Variants in UBE2E1 observed in about 807,000 individuals in gnomAD.
UBE2E1 encodes the protein ubiquitin-conjugating enzyme E2 E1.
A neutral mutation model predicts 21.4 loss-of-function variants in UBE2E1; 6 were observed. That is an observed-to-expected ratio of 0.28 (90% CI 0.15 to 0.55). The LOEUF (loss-of-function observed/expected upper bound fraction) is 0.55. Among genes scored for constraint, UBE2E1 ranks in the 20% least tolerant of loss-of-function variants. The pLI, the probability that UBE2E1 is intolerant of heterozygous loss-of-function variation, is 0.93. For synonymous variants in UBE2E1, 87 were observed against 82.7 expected (o/e 1.05, Z -0.28); for missense variants, 142 against 236.5 (o/e 0.60, Z 2.62).
chr3:23,811,627 A>G (rs921423660), intron 3 of UBE2E1, 117 bp downstream of exon 3: 70 of 884,982 alleles, frequency 7.9e-5, no homozygotes, highest in Middle Eastern at 6.5e-4. Context: ...TTATGGCACT[A>G]ACATCACGTA....
chr3:23,856,177 C>G (rs894310447), intron 3 of UBE2E1, among the ~76,000 whole-genome samples: 5 of 152,090 alleles, frequency 3.3e-5, no homozygotes, highest in African/African-American at 1.2e-4. Flanking sequence ...CAGGCAGGTA[C>G]CACCATGCCT....
Position 23,823,128 on chromosome 3 carries a change from A to G in UBE2E1, c.203+11618A>G, listed in dbSNP as rs946347344. Among the ~76,000 whole-genome samples, 14 of 152,174 alleles carry G rather than the reference A, an allele frequency of 9.2e-5. No homozygotes were observed. The highest frequency in any genetic ancestry group is 1.6e-4 in the Non-Finnish European group (11 of 68,030). On this transcript the variant is annotated intron_variant, in intron 3 of 5. Transcript: ENST00000306627. This position sits in a 1 kb window ranked among gnomAD's most constrained non-coding sequence, Gnocchi z 4.2. ...CCAAAGTGCTGGGATTACAGGCATG[A>G]GCCTCTGCGCCCATCCTGTTTTTCA... is the stretch of plus-strand genomic sequence containing the variant.
intron 3 of UBE2E1, among the ~76,000 whole-genome samples, chr3:23,859,234 G>A (rs1700502015): frequency 6.6e-6 from 1 of 152,188 alleles, no homozygotes; most frequent in Admixed American, 6.5e-5. Flanking sequence ...AGGAAGTGAT[G>A]TTTAATCCTT....
At chr3:23,850,115 A>G (rs545554963) in intron 3 of UBE2E1, among the ~76,000 whole-genome samples, 49 of 152,302 alleles carry the variant, frequency 3.2e-4, no homozygotes, top group Non-Finnish European at 4.3e-4. Context: ...TGTTTTATTA[A>G]TAAAATTCAG....
intron 3 of UBE2E1, among the ~76,000 whole-genome samples, chr3:23,873,114 C>G (rs190690777): frequency 4.6e-5 from 7 of 152,312 alleles, no homozygotes; most frequent in Non-Finnish European, 1.0e-4. Context: ...ATTTTCATAC[C>G]TGCTTCTGCA....
chr3:23,886,674 G>A (rs1281065975), intron 3 of UBE2E1, among the ~76,000 whole-genome samples: 1 of 152,130 alleles, frequency 6.6e-6, no homozygotes, highest in African/African-American at 2.4e-5. Context: ...TTAAATGAAG[G>A]CATCAGACTT....
At position 23,863,068 on chromosome 3, in the gene UBE2E1, AAAAC is replaced by A. The variant is rs1378877100; in HGVS notation, c.204-24498_204-24495del. On this transcript the variant is annotated intron_variant, in intron 3 of 5. Coordinates refer to ENST00000306627, the MANE Select transcript of UBE2E1 (RefSeq NM_003341.5). The surrounding 1 kb of genome is among the most constrained non-coding windows in gnomAD (Gnocchi z 4.3). Reference sequence around the variant, plus strand: ...TCTTTGTTTGTTAAAAAAAAAAAAAAAAACTATTCCCAGCATTTTGCTCTCTAGT... The same window carrying A: ...TCTTTGTTTGTTAAAAAAAAAAAAAATATTCCCAGCATTTTGCTCTCTAGT... 6.6e-6 allele frequency among the ~76,000 whole-genome samples: 1 copy of A among 151,854 alleles called. No homozygotes were observed. The highest frequency in any genetic ancestry group is 2.4e-5 in the African/African-American group (1 of 41,328).
At chr3:23,851,802 A>G (rs940762456) in intron 3 of UBE2E1, among the ~76,000 whole-genome samples, 5 of 152,122 alleles carry the variant, frequency 3.3e-5, no homozygotes, top group African/African-American at 1.2e-4. Flanking sequence ...AAAAAATAAA[A>G]AAAAAATTAA....
rs1350392396 is a variant in UBE2E1, at chr3:23,806,271, G to A, written c.-34+183G>A. On this transcript the variant is annotated intron_variant, in intron 1 of 5. Coordinates refer to ENST00000306627, the MANE Select transcript of UBE2E1 (RefSeq NM_003341.5). The surrounding 1 kb of genome is among the most constrained non-coding windows in gnomAD (Gnocchi z 6.5). Reference sequence around the variant, plus strand: ...AGGGGTCCGGGGCCCGCCCGCGGGGGATGGGCAGGGACCCCGGGCCGCGTG... The same window carrying A: ...AGGGGTCCGGGGCCCGCCCGCGGGGAATGGGCAGGGACCCCGGGCCGCGTG... 6.7e-6 allele frequency among the ~76,000 whole-genome samples: 1 copy of A among 150,356 alleles called. No homozygotes were observed. Among genetic ancestry groups the A allele is most frequent in the Non-Finnish European group, 1.5e-5 (1 of 67,334 alleles).
rs773191666 is a variant in UBE2E1 at position 23,807,304 on chromosome 3, C to T, written c.35C>T (p.Ser12Phe). ...GACGATTCGAGGGCCAGCACCAGCTCCTCCTCATCTTCGTCTTCCAACCAG... is the reference window on the plus strand; with the variant it reads ...GACGATTCGAGGGCCAGCACCAGCTTCTCCTCATCTTCGTCTTCCAACCAG... ...SDDDSRASTS[S>F]SSSSSSNQQT... The change falls in exon 2 of 6, where the codon TCC becomes TTC. Residue 12 changes from serine (S) to phenylalanine (F), a missense_variant. Around this residue, in one of 2 missense-constraint regions of UBE2E1, gnomAD observed 55 missense variants for 51.5 expected, o/e 1.07. Coordinates refer to ENST00000306627, the MANE Select transcript of UBE2E1 (RefSeq NM_003341.5). 6.2e-7 allele frequency: 1 copy of T among 1,613,916 alleles called. No individual in the cohort carries two copies. The highest frequency in any genetic ancestry group is 8.5e-7 in the Non-Finnish European group (1 of 1,179,942).
At chr3:23,855,574 A>G (rs916975213) in intron 3 of UBE2E1, among the ~76,000 whole-genome samples, 1 of 152,180 alleles carries the variant, frequency 6.6e-6, no homozygotes, top group African/African-American at 2.4e-5. Flanking sequence ...TCACACCTGT[A>G]ATCCCAGCAC....
At chr3:23,817,648 G>A (rs1699558342) in intron 3 of UBE2E1, among the ~76,000 whole-genome samples, 2 of 152,066 alleles carry the variant, frequency 1.3e-5, no homozygotes, top group South Asian at 4.1e-4. Context: ...TAGTGATCTG[G>A]GAAGGCTTCA....
chr3:23,821,113 A>C (rs995298796), intron 3 of UBE2E1, among the ~76,000 whole-genome samples: 3 of 152,212 alleles, frequency 2.0e-5, no homozygotes, highest in Admixed American at 1.3e-4. Context: ...TAGGTGACTA[A>C]AACAGACCTG....
intron 3 of UBE2E1, among the ~76,000 whole-genome samples, chr3:23,818,519 A>G (rs1462421838): frequency 6.6e-6 from 1 of 152,206 alleles, no homozygotes; most frequent in Non-Finnish European, 1.5e-5. Flanking sequence ...TAAAAGAATG[A>G]TACAGCAAGC....
intron 3 of UBE2E1, among the ~76,000 whole-genome samples, chr3:23,813,983 T>G (rs1699457379): frequency 6.6e-6 from 1 of 152,236 alleles, no homozygotes; most frequent in Admixed American, 6.5e-5. Context: ...TTAGTCTGTC[T>G]TATATTTTTA....
chr3:23,869,664 G>A (rs1029278502), intron 3 of UBE2E1, among the ~76,000 whole-genome samples: 2 of 149,208 alleles, frequency 1.3e-5, no homozygotes, highest in South Asian at 2.1e-4. Context: ...TGAGGCAGTC[G>A]GAGATTGCTT....
chr3:23,825,864 C>T (rs113825497), intron 3 of UBE2E1, among the ~76,000 whole-genome samples: 14 of 151,940 alleles, frequency 9.2e-5, no homozygotes, highest in East Asian at 1.9e-4. Context: ...GAATACCTCA[C>T]GTAAAATTTC....
intron 3 of UBE2E1, among the ~76,000 whole-genome samples, chr3:23,875,675 A>C (rs1444015811): frequency 6.6e-6 from 1 of 152,212 alleles, no homozygotes; most frequent in Non-Finnish European, 1.5e-5. Flanking sequence ...TGGAGATCTT[A>C]AGTGCCTGGG....
At chr3:23,821,084 T>A (rs1699633056) in intron 3 of UBE2E1, among the ~76,000 whole-genome samples, 1 of 152,256 alleles carries the variant, frequency 6.6e-6, no homozygotes, top group African/African-American at 2.4e-5. Flanking sequence ...GTGTCTGCTG[T>A]GTGCTAGGCA....
Sources: gnomAD v4.1 joint callset for allele counts (sites outside exome capture counted in the v4.1 genomes callset) on GRCh38, gnomAD v4.1.1 for gene constraint, gnomAD v4.1.1 regional missense constraint, Gnocchi (gnomAD v3.1) non-coding constraint, MANE v1.5 for transcripts, NCBI Gene and HGNC (gene_info 2026-07-23, HGNC 2026-07-21) for gene names.